The following TCF7L2 variants were observed in gnomAD, a reference collection of about 807,000 sequenced individuals.
The protein encoded by TCF7L2 is transcription factor 7-like 2.
A neutral mutation model predicts 77.9 loss-of-function variants in TCF7L2; 23 were observed. That is an observed-to-expected ratio of 0.30 (90% CI 0.21 to 0.42). TCF7L2 has a LOEUF of 0.42. Among genes scored for constraint, TCF7L2 ranks in the 10% least tolerant of loss-of-function variants. The pLI is 1.00. For synonymous variants in TCF7L2, 413 were observed against 340.2 expected (o/e 1.21, Z -2.36); for missense variants, 654 against 793.1 (o/e 0.82, Z 2.11).
intron 13 of TCF7L2, among the ~76,000 whole-genome samples, chr10:113,165,046 AACAC>A (rs753833182): frequency 9.3e-5 from 14 of 151,128 alleles, no homozygotes; most frequent in Non-Finnish European, 1.8e-4. Flanking sequence ...TTCTCTTTTA[AACAC>A]ACACACACTC....
intron 5 of TCF7L2, among the ~76,000 whole-genome samples, chr10:113,113,374 G>A (rs149927561): frequency 5.5e-4 from 84 of 152,162 alleles, no homozygotes; most frequent in Middle Eastern, 3.4e-3. Context: ...TTCTTCCCCC[G>A]CACCTCCCCA....
chr10:113,050,815 T>C (rs1256902053), intron 5 of TCF7L2, among the ~76,000 whole-genome samples: 1 of 152,164 alleles, frequency 6.6e-6, no homozygotes, highest in Non-Finnish European at 1.5e-5. Context: ...TCCCACAGTC[T>C]TCCTTGAGCC....
At chr10:112,992,573 A>G (rs1160178110) in intron 4 of TCF7L2, among the ~76,000 whole-genome samples, 5 of 152,056 alleles carry the variant, frequency 3.3e-5, no homozygotes, top group Non-Finnish European at 7.4e-5. Flanking sequence ...AGATTGCGTT[A>G]TCTTTACCAA....
rs1564721118 is a variant in TCF7L2, at chr10:112,965,671, GTGTGT to G, written c.450+1048_450+1052del. Among the ~76,000 whole-genome samples the G allele has an allele frequency of 3.8e-5, 5 of 132,240 alleles. No homozygotes were observed. The Admixed American group carries it at 3.9e-4, about 10-fold the overall frequency. 86.8% of individuals were successfully genotyped at this position (132,240 alleles called of 152,430 possible). A position where few individuals can be genotyped will look rare whatever the true frequency, so the allele number is the denominator to read the frequency against. ...TGTGTGTGTGTGTGTGTGTGTGTGT[GTGTGT>G]GGTCTTAGGTAGCTGCAGCCACAAT... On this transcript the variant is annotated intron_variant, in intron 4 of 13. Transcript: ENST00000627217.
chr10:113,149,584 T>C (rs2070294191), intron 8 of TCF7L2, among the ~76,000 whole-genome samples: 1 of 152,250 alleles, frequency 6.6e-6, no homozygotes, highest in African/African-American at 2.4e-5. Context: ...TTATTTTGGC[T>C]GAATGGAAAC....
At chr10:112,957,814 A>T (rs2034066326) in intron 3 of TCF7L2, among the ~76,000 whole-genome samples, 1 of 152,088 alleles carries the variant, frequency 6.6e-6, no homozygotes, top group Admixed American at 6.6e-5. Flanking sequence ...TGTGAGAGAG[A>T]AGGCCAGTTG....
chr10:113,061,440 A>G (rs1020718734), intron 5 of TCF7L2, among the ~76,000 whole-genome samples: 2 of 152,216 alleles, frequency 1.3e-5, no homozygotes, highest in Non-Finnish European at 2.9e-5. Flanking sequence ...GGAACAGCGT[A>G]AACTCAGCCC....
At chr10:113,129,167 C>T (rs571397188) in intron 5 of TCF7L2, 2 of 297,218 alleles carry the variant, frequency 6.7e-6, no homozygotes, top group South Asian at 2.6e-4. Context: ...CAAAGTGTCA[C>T]TTCCGTGTCA....
chr10:112,984,261 A>G (rs932968747), intron 4 of TCF7L2, among the ~76,000 whole-genome samples: 5 of 152,142 alleles, frequency 3.3e-5, no homozygotes, highest in Admixed American at 3.3e-4. Flanking sequence ...CCCCCTTCAG[A>G]AGACTTGTGT....
At chr10:112,995,128 A>G (rs1032712320) in intron 4 of TCF7L2, among the ~76,000 whole-genome samples, 6 of 152,144 alleles carry the variant, frequency 3.9e-5, no homozygotes, top group African/African-American at 1.4e-4. Flanking sequence ...AAAGGCTGTC[A>G]TGTTAGATCC....
intron 5 of TCF7L2, among the ~76,000 whole-genome samples, chr10:113,104,443 GA>G (rs1253367639): frequency 6.6e-6 from 1 of 152,204 alleles, no homozygotes; most frequent in Non-Finnish European, 1.5e-5. Flanking sequence ...GGACACCAGG[GA>G]GGGGCATTGA....
chr10:113,100,815 C>T (rs2061547103), intron 5 of TCF7L2, among the ~76,000 whole-genome samples: 1 of 152,198 alleles, frequency 6.6e-6, no homozygotes, highest in African/African-American at 2.4e-5. Flanking sequence ...GTGGCTCACG[C>T]CTGTAATCCC....
rs150217723 is a variant in TCF7L2, at chr10:113,141,812, A to G, written c.685+496A>G. ...ATGACTTGTTGGTATAGCCTCAAAA[A>G]GCCACATCACTGGATTCTGCATTTT... On this transcript the variant is annotated intron_variant, in intron 6 of 13. Coordinates refer to ENST00000627217, the MANE Select transcript of TCF7L2 (RefSeq NM_001146274.2). 4.0e-3 allele frequency among the ~76,000 whole-genome samples: 602 copies of G among 152,282 alleles called. 1 individual carries two copies. Among genetic ancestry groups the G allele is most frequent in the African/African-American group, 0.013 (552 of 41,560 alleles).
At chr10:113,079,992 G>A (rs1404403525) in intron 5 of TCF7L2, among the ~76,000 whole-genome samples, 3 of 151,902 alleles carry the variant, frequency 2.0e-5, no homozygotes, top group Non-Finnish European at 4.4e-5. Flanking sequence ...AAGGGAGCAA[G>A]ATGAGGTTGA....
chr10:113,080,675 T>C (rs1364750271), intron 5 of TCF7L2, among the ~76,000 whole-genome samples: 3 of 152,210 alleles, frequency 2.0e-5, no homozygotes, highest in Non-Finnish European at 2.9e-5. Flanking sequence ...ATTTCGTACA[T>C]TTTTATGCAA....
intron 5 of TCF7L2, among the ~76,000 whole-genome samples, chr10:113,135,570 T>C (rs1012638546): frequency 7.2e-5 from 11 of 152,210 alleles, no homozygotes; most frequent in African/African-American, 2.7e-4. Flanking sequence ...GGTTCGGCTT[T>C]TTAGTAGACT....
intron 5 of TCF7L2, among the ~76,000 whole-genome samples, chr10:113,074,968 T>C (rs1330943493): frequency 1.3e-5 from 2 of 152,228 alleles, no homozygotes; most frequent in Non-Finnish European, 2.9e-5. Context: ...AATGTGTTCA[T>C]TGAGCAACTA....
chr10:113,166,540 T>C lies in TCF7L2; in HGVS notation c.*568T>C, dbSNP rs1332866748. The C allele has an allele frequency of 1.3e-5, 3 of 222,864 alleles. No individual in the cohort carries two copies. The highest frequency in any genetic ancestry group is 5.8e-5 in the Admixed American group (1 of 17,376). The allele number at this position is 222,864 out of a possible 1,614,324, so 13.8% of individuals were successfully genotyped here. On this transcript the variant is annotated 3_prime_UTR_variant, in exon 14 of 14. Coordinates refer to ENST00000627217, the MANE Select transcript of TCF7L2 (RefSeq NM_001146274.2). ...TACAGAAACAAAGGGTAAAAATGTG[T>C]TAATATACCTTGTTCCATGGTGTTG...
chr10:113,055,833 C>CT (rs2055278357), intron 5 of TCF7L2, among the ~76,000 whole-genome samples: 1 of 152,244 alleles, frequency 6.6e-6, no homozygotes, highest in South Asian at 2.1e-4. Flanking sequence ...TGTACCCACT[C>CT]TAAGTAGCTC....
Sources: gnomAD v4.1 joint callset for allele counts (sites outside exome capture counted in the v4.1 genomes callset) on GRCh38, gnomAD v4.1.1 for gene constraint, MANE v1.5 for transcripts, NCBI Gene and HGNC (gene_info 2026-07-23, HGNC 2026-07-21) for gene names.